MARCHF1: variants seen among roughly 807,000 people sequenced by gnomAD.
The protein encoded by MARCHF1 is E3 ubiquitin-protein ligase MARCHF1.
Under a neutral mutation model 54.2 loss-of-function variants are expected in MARCHF1, and 40 were observed. The ratio of observed to expected loss-of-function variants is 0.74; its 90% CI spans 0.57 to 0.96. The LOEUF (loss-of-function observed/expected upper bound fraction) is 0.96. MARCHF1 is among the 40% of genes least tolerant of loss of function. The pLI is 0.00. For synonymous variants in MARCHF1, 236 were observed against 236.3 expected (o/e 1.00, Z 0.01); for missense variants, 586 against 656.5 (o/e 0.89, Z 1.17).
chr4:163,986,246 C>CT (rs1752861022), intron 3 of MARCHF1, among the ~76,000 whole-genome samples: 14 of 73,748 alleles, frequency 1.9e-4, no homozygotes, highest in African/African-American at 3.6e-4. Flanking sequence ...TAATTAACCT[C>CT]TTCTTTTTTT....
chr4:164,098,826 C>T (rs147328229), intron 2 of MARCHF1, among the ~76,000 whole-genome samples: 53 of 152,240 alleles, frequency 3.5e-4, no homozygotes, highest in African/African-American at 1.2e-3. Context: ...ACTAGTAATG[C>T]ATTTAGACAC....
chr4:163,683,275 G>T (rs1434991273), intron 5 of MARCHF1, among the ~76,000 whole-genome samples: 6 of 152,186 alleles, frequency 3.9e-5, no homozygotes, highest in Admixed American at 3.9e-4. Context: ...TCACATGGTG[G>T]TCGACAAGAG....
At chr4:164,346,347 T>A (rs370315973) in intron 1 of MARCHF1, among the ~76,000 whole-genome samples, 2 of 152,152 alleles carry the variant, frequency 1.3e-5, no homozygotes, top group Non-Finnish European at 2.9e-5. Context: ...ACCACTGACA[T>A]GGTAAAAAGA....
At chr4:163,601,793 C>A (rs1483897319) in intron 7 of MARCHF1, among the ~76,000 whole-genome samples, 1 of 151,426 alleles carries the variant, frequency 6.6e-6, no homozygotes, top group African/African-American at 2.4e-5. Context: ...TTCTTTGTTT[C>A]TATCTAAAGG....
intron 4 of MARCHF1, among the ~76,000 whole-genome samples, chr4:163,776,595 T>C (rs971921745): frequency 5.9e-5 from 9 of 152,236 alleles, no homozygotes; most frequent in African/African-American, 1.9e-4. Context: ...TTGATTGATA[T>C]ACAAGATAGT....
Position 163,626,005 on chromosome 4 carries a change from T to C in MARCHF1, c.163-12612A>G, listed in dbSNP as rs112732521. ...CCCTTTATTAGGTGTAAGATTGAAA[T>C]GGGGCTGGGAAGGGAAAAATAACAA... On this transcript the variant is annotated intron_variant, in intron 5 of 9. Coordinates refer to ENST00000514618, the MANE Select transcript of MARCHF1 (RefSeq NM_001394959.1). Among the ~76,000 whole-genome samples, 61 of 152,250 alleles carry C rather than the reference T, an allele frequency of 4.0e-4. 1 individual carries two copies. Among genetic ancestry groups the C allele is most frequent in the African/African-American group, 1.4e-3 (59 of 41,554 alleles).
At chr4:164,331,994 C>T (rs1217267954) in intron 1 of MARCHF1, among the ~76,000 whole-genome samples, 3 of 152,162 alleles carry the variant, frequency 2.0e-5, no homozygotes, top group Non-Finnish European at 2.9e-5. Context: ...CTCCACAGAG[C>T]ATTCATCTCC....
intron 1 of MARCHF1, among the ~76,000 whole-genome samples, chr4:164,236,345 C>T (rs4574365): frequency 6.6e-6 from 1 of 152,020 alleles, no homozygotes; most frequent in Non-Finnish European, 1.5e-5. Flanking sequence ...ATGCTGCTGA[C>T]TGATTAACAC....
At chr4:163,816,679 T>G (rs1748542406) in intron 4 of MARCHF1, among the ~76,000 whole-genome samples, 1 of 152,070 alleles carries the variant, frequency 6.6e-6, no homozygotes, top group South Asian at 2.1e-4. Flanking sequence ...TTATCTCTCC[T>G]TACAGAGGGG....
At chr4:164,197,164 T>TC in intron 1 of MARCHF1, 1 of 1,608,080 alleles carries the variant, frequency 6.2e-7, no homozygotes, top group Non-Finnish European at 8.5e-7. Context: ...CTCCTCATCT[T>TC]CCACTACCTG....
At chr4:163,804,998 A>T (rs924109988) in intron 4 of MARCHF1, among the ~76,000 whole-genome samples, 1 of 151,966 alleles carries the variant, frequency 6.6e-6, no homozygotes, top group Non-Finnish European at 1.5e-5. Flanking sequence ...TAAATAGTTT[A>T]TTTTTTTCAT....
At chr4:164,004,467 A>G (rs1753247306) in intron 2 of MARCHF1, among the ~76,000 whole-genome samples, 1 of 152,114 alleles carries the variant, frequency 6.6e-6, no homozygotes, top group African/African-American at 2.4e-5. Context: ...TCTGGAATAG[A>G]TGGAGAAAGC....
At chr4:164,150,178 A>G (rs575466376) in intron 1 of MARCHF1, among the ~76,000 whole-genome samples, 1 of 152,348 alleles carries the variant, frequency 6.6e-6, no homozygotes, top group African/African-American at 2.4e-5. Flanking sequence ...TCTGTCACAG[A>G]GGTCAAATAC....
chr4:163,537,612 G>A (rs1466533284), intron 9 of MARCHF1, among the ~76,000 whole-genome samples: 1 of 152,170 alleles, frequency 6.6e-6, no homozygotes, highest in Non-Finnish European at 1.5e-5. Flanking sequence ...AGGAGTTTCT[G>A]TAGGTTTAAT....
At chr4:163,691,627 G>A (rs925450) in intron 5 of MARCHF1, among the ~76,000 whole-genome samples, 70,304 of 152,000 alleles carry the variant, frequency 0.46, 16,728 homozygotes, top group Non-Finnish European at 0.51. Flanking sequence ...CTGTGAACCA[G>A]ATGCAACAAT....
intron 3 of MARCHF1, among the ~76,000 whole-genome samples, chr4:163,965,838 C>A (rs184839526): frequency 6.6e-6 from 1 of 152,112 alleles, no homozygotes; most frequent in Non-Finnish European, 1.5e-5. Context: ...TAACACAGAT[C>A]GTGATAGGTT....
intron 1 of MARCHF1, among the ~76,000 whole-genome samples, chr4:164,117,233 G>A (rs1238874723): frequency 6.6e-6 from 1 of 151,960 alleles, no homozygotes; most frequent in African/African-American, 2.4e-5. Flanking sequence ...ATTCCAGCCT[G>A]GGTGATAGAG....
At chr4:164,200,362 C>T (rs897276525) in intron 1 of MARCHF1, among the ~76,000 whole-genome samples, 10 of 152,180 alleles carry the variant, frequency 6.6e-5, no homozygotes, top group Non-Finnish European at 2.9e-5. Flanking sequence ...ATCTAAGACG[C>T]ACTTCTCTCT....
In MARCHF1 at chr4:164,040,191, T is replaced by A. The variant is rs549362078; in HGVS notation, c.-247-51482A>T. On this transcript the variant is annotated intron_variant, in intron 2 of 9. Transcript: ENST00000514618. ...CTATATATAAATATACAAATATATA[T>A]TATAAATACATTGTATATATATTTA... 4.2e-5 allele frequency among the ~76,000 whole-genome samples: 6 copies of A among 144,566 alleles called. No individual in the cohort carries two copies. In the East Asian group the frequency reaches 1.2e-3, roughly 29 times the overall value. 94.8% of individuals were successfully genotyped at this position (144,566 alleles called of 152,430 possible). A position where few individuals can be genotyped will look rare whatever the true frequency, so the allele number is the denominator to read the frequency against.
Sources: allele counts gnomAD v4.1 joint callset (sites outside exome capture counted in the v4.1 genomes callset), GRCh38; gene constraint gnomAD v4.1.1; transcripts MANE v1.5; gene names NCBI Gene and HGNC (gene_info 2026-07-23, HGNC 2026-07-21).